CADPS2: variants seen among roughly 807,000 people sequenced by gnomAD.
The protein encoded by CADPS2 is calcium-dependent secretion activator 2.
In CADPS2, 93 loss-of-function variants were observed where a neutral mutation model predicts 172.5. That is an observed-to-expected ratio of 0.54 (90% confidence interval 0.46 to 0.64). CADPS2 has a LOEUF of 0.64. Among genes scored for constraint, CADPS2 ranks in the 30% least tolerant of loss-of-function variants. The probability of loss-of-function intolerance (pLI) is 0.00; values close to 1 mark genes in which losing one functional copy is unlikely to be tolerated. For synonymous variants in CADPS2, 546 were observed against 555.2 expected (o/e 0.98, Z 0.23); for missense variants, 1,420 against 1,565.9 (o/e 0.91, Z 1.57).
At chr7:122,780,477 C>A (rs1212300765) in intron 1 of CADPS2, among the ~76,000 whole-genome samples, 1 of 152,102 alleles carries the variant, frequency 6.6e-6, no homozygotes, top group Non-Finnish European at 1.5e-5. Flanking sequence ...GACTATACAT[C>A]TAATATTAAT....
At chr7:122,652,645 T>C (rs1197613432) in intron 3 of CADPS2, among the ~76,000 whole-genome samples, 1 of 152,220 alleles carries the variant, frequency 6.6e-6, no homozygotes. Context: ...TGTACTGTTA[T>C]GCCACTCATT....
intron 7 of CADPS2, among the ~76,000 whole-genome samples, chr7:122,563,110 G>A (rs560574226): frequency 1.3e-5 from 2 of 151,952 alleles, no homozygotes; most frequent in Non-Finnish European, 2.9e-5. Context: ...AATATACATA[G>A]ATCACTTTTC....
rs537472027 is a variant in CADPS2, at chr7:122,491,328, A to G, written c.1635T>C (p.Tyr545=). The G allele has an allele frequency of 5.1e-5, 82 of 1,607,870 alleles. 1 individual carries two copies. Among genetic ancestry groups the G allele is most frequent in the Non-Finnish European group, 6.5e-5 (76 of 1,176,544 alleles). The change falls in exon 10 of 30, where the codon TAT becomes TAC. Residue 545 remains tyrosine, a synonymous_variant. Coordinates refer to ENST00000449022, the MANE Select transcript of CADPS2 (RefSeq NM_017954.11). Reference sequence around the variant, plus strand: ...AAGATTTACCTGGGTGGGGATCGGTATAATCCACAGTATAGCCTTCAAGCT... The same window carrying G: ...AAGATTTACCTGGGTGGGGATCGGTGTAATCCACAGTATAGCCTTCAAGCT... ...LMQLEGYTVD[Y]TDPHPGLQGG...
At chr7:122,466,066 A>G (rs1203036236) in intron 14 of CADPS2, among the ~76,000 whole-genome samples, 2 of 152,178 alleles carry the variant, frequency 1.3e-5, no homozygotes, top group Admixed American at 6.5e-5. Flanking sequence ...TTTGTCCTAT[A>G]CCTAACTATT....
rs2032041511 is a variant in CADPS2 at position 122,319,952 on chromosome 7, A to C, written c.*213T>G. 1 of 161,534 alleles carries C rather than the reference A, an allele frequency of 6.2e-6. No homozygotes were observed. The highest frequency in any genetic ancestry group is 1.2e-4 in the East Asian group (1 of 8,316). The allele number at this position is 161,534 out of a possible 1,614,324, so 10.0% of individuals were successfully genotyped here. On this transcript the variant is annotated 3_prime_UTR_variant, in exon 30 of 30. Transcript: ENST00000449022. ...AAAAGAGGATGCTCTTCTCCAAAAA[A>C]ACAAACAAACAAACAAACAAAAAAA...
At chr7:122,325,656 T>C in intron 28 of CADPS2, 75 bp from the exon 29 acceptor site, 1 of 851,450 alleles carries the variant, frequency 1.2e-6, no homozygotes, top group Non-Finnish European at 1.9e-6. Context: ...ATTTAACAGA[T>C]TCGATAATGA....
At chr7:122,358,124 G>A (rs78232637) in intron 27 of CADPS2, among the ~76,000 whole-genome samples, 5 of 152,092 alleles carry the variant, frequency 3.3e-5, no homozygotes, top group African/African-American at 4.8e-5. Flanking sequence ...TCTTATCCTC[G>A]TCAACATTTT....
intron 1 of CADPS2, among the ~76,000 whole-genome samples, chr7:122,865,929 T>C (rs1818199925): frequency 1.3e-5 from 2 of 152,244 alleles, no homozygotes; most frequent in Admixed American, 6.5e-5. Flanking sequence ...CAGGAAGTAC[T>C]GTAAAGACTA....
At chr7:122,562,449 CAACA>C (rs1448489945) in intron 7 of CADPS2, among the ~76,000 whole-genome samples, 2 of 152,102 alleles carry the variant, frequency 1.3e-5, no homozygotes, top group Admixed American at 6.6e-5. Context: ...ACAAAACACA[CAACA>C]AACAGATTAT....
intron 2 of CADPS2, among the ~76,000 whole-genome samples, chr7:122,685,596 G>A (rs930731442): frequency 6.6e-6 from 1 of 152,152 alleles, no homozygotes; most frequent in Non-Finnish European, 1.5e-5. Context: ...TCTTGGTGAT[G>A]TCTCTTCTAT....
intron 1 of CADPS2, among the ~76,000 whole-genome samples, chr7:122,817,885 C>T (rs1380048029): frequency 1.3e-5 from 2 of 151,446 alleles, no homozygotes; most frequent in African/African-American, 2.4e-5. Context: ...TATCTCTGCG[C>T]CCCAATCCCT....
At chr7:122,728,619 A>G (rs1372702923) in intron 2 of CADPS2, among the ~76,000 whole-genome samples, 1 of 151,776 alleles carries the variant, frequency 6.6e-6, no homozygotes, top group Non-Finnish European at 1.5e-5. Context: ...GTTTTGGGGG[A>G]CTGCAAGAAT....
intron 3 of CADPS2, among the ~76,000 whole-genome samples, chr7:122,632,841 A>G (rs529065608): frequency 6.6e-6 from 1 of 152,302 alleles, no homozygotes; most frequent in African/African-American, 2.4e-5. Context: ...CTTACATTTA[A>G]GTCGTTAATC....
chr7:122,749,487 G>A (rs771476517), intron 1 of CADPS2, among the ~76,000 whole-genome samples: 2 of 152,006 alleles, frequency 1.3e-5, no homozygotes, highest in Non-Finnish European at 2.9e-5. Context: ...TAGCTAACTT[G>A]ACATTTCCCT....
chr7:122,736,257 A>C (rs945244901), intron 2 of CADPS2, among the ~76,000 whole-genome samples: 1 of 152,148 alleles, frequency 6.6e-6, no homozygotes, highest in Non-Finnish European at 1.5e-5. Context: ...CTTGTTTATT[A>C]GTCTAATATA....
chr7:122,682,523 G>A (rs2083163152), intron 2 of CADPS2, among the ~76,000 whole-genome samples: 1 of 152,048 alleles, frequency 6.6e-6, no homozygotes. Flanking sequence ...TAAAAATTTA[G>A]TGTATTACTT....
At position 122,444,718 on chromosome 7, in the gene CADPS2, C is replaced by T. The variant is rs1206742045; in HGVS notation, c.2289-3143G>A. Among the ~76,000 whole-genome samples the T allele has an allele frequency of 5.3e-5, 8 of 152,146 alleles. No individual in the cohort carries two copies. In the South Asian group the frequency reaches 8.3e-4, roughly 16 times the overall value. ...TAAAAGTTTACTGTGGGATGTGTGT[C>T]GTCTAAATACTTTCTCCTATTCTGC... On this transcript the variant is annotated intron_variant, in intron 15 of 29. Coordinates refer to ENST00000449022, the MANE Select transcript of CADPS2 (RefSeq NM_017954.11).
chr7:122,657,953 A>T (rs1439175154), intron 3 of CADPS2, among the ~76,000 whole-genome samples: 1 of 152,170 alleles, frequency 6.6e-6, no homozygotes, highest in Non-Finnish European at 1.5e-5. Flanking sequence ...TGAACAGGCA[A>T]CCTACAGAAT....
intron 27 of CADPS2, among the ~76,000 whole-genome samples, chr7:122,351,371 T>C (rs1174698165): frequency 1.9e-4 from 1 of 5,338 alleles, no homozygotes; most frequent in Non-Finnish European, 2.8e-4. Flanking sequence ...AGACTCCGTC[T>C]CAAAAAAAAA....
Sources: allele counts gnomAD v4.1 joint callset (sites outside exome capture counted in the v4.1 genomes callset), GRCh38; gene constraint gnomAD v4.1.1; transcripts MANE v1.5; gene names NCBI Gene and HGNC (gene_info 2026-07-23, HGNC 2026-07-21).